The following MMD2 variants were observed in gnomAD, a reference collection of about 807,000 sequenced individuals.
The protein encoded by MMD2 is monocyte to macrophage differentiation associated 2, also known as monocyte to macrophage differentiation factor 2.
Under a neutral mutation model 33.5 loss-of-function variants are expected in MMD2, and 30 were observed. The ratio of observed to expected loss-of-function variants is 0.90; its 90% CI spans 0.67 to 1.22. The LOEUF (loss-of-function observed/expected upper bound fraction) is 1.22. Among genes scored for constraint, MMD2 ranks in the 50% most tolerant of loss-of-function variants. The probability of loss-of-function intolerance (pLI) is 0.00; values close to 1 mark genes in which losing one functional copy is unlikely to be tolerated. For synonymous variants in MMD2, 129 were observed against 123.0 expected (o/e 1.05, Z -0.32); for missense variants, 364 against 325.4 (o/e 1.12, Z -0.91).
At chr7:4,938,131 C>T (rs1227071886) in intron 1 of MMD2, among the ~76,000 whole-genome samples, 1 of 151,024 alleles carries the variant, frequency 6.6e-6, no homozygotes, top group African/African-American at 2.4e-5. Context: ...CTGCCTCAGC[C>T]TCCCCCATAG....
the MMD2 span, among the ~76,000 whole-genome samples, chr7:4,898,945 G>A: frequency 1.3e-5 from 2 of 151,786 alleles, no homozygotes; most frequent in African/African-American, 4.8e-5. Flanking sequence ...AAGGAAGCAA[G>A]CAAGCAAGCA....
At chr7:4,927,733 A>G (rs1241522358) in intron 1 of MMD2, among the ~76,000 whole-genome samples, 1 of 151,996 alleles carries the variant, frequency 6.6e-6, no homozygotes, top group Non-Finnish European at 1.5e-5. Context: ...AACAAAACAA[A>G]CAAAACAAAA....
intron 1 of MMD2, among the ~76,000 whole-genome samples, chr7:4,945,553 G>C (rs112573033): frequency 0.038 from 5,680 of 150,794 alleles, 379 homozygotes; most frequent in African/African-American, 0.13. Flanking sequence ...GGCATGAGCC[G>C]CCTCACCCAG....
In MMD2 at chr7:4,943,311, T is replaced by C. The variant is rs185405474; in HGVS notation, c.47+15660A>G. Reference sequence around the variant, plus strand: ...GGCATGAGCCACCGCGCCTGGCCTTTTTTCTGTATTTTTAGTAAACACGGG... The same window carrying C: ...GGCATGAGCCACCGCGCCTGGCCTTCTTTCTGTATTTTTAGTAAACACGGG... On this transcript the variant is annotated intron_variant, in intron 1 of 6. Transcript: ENST00000401401. Among the ~76,000 whole-genome samples, 16 of 152,032 alleles carry C rather than the reference T, an allele frequency of 1.1e-4. 1 individual carries two copies. The East Asian group carries it at 2.7e-3, about 26-fold the overall frequency.
chr7:4,926,275 A>G (rs926195031), intron 1 of MMD2, among the ~76,000 whole-genome samples: 5 of 151,224 alleles, frequency 3.3e-5, no homozygotes, highest in Admixed American at 3.3e-4. Context: ...ATTTTTTTGT[A>G]TTTTTTATAG....
chr7:4,915,913 G>C, intron 4 of MMD2, 92 bp downstream of exon 4: 8 of 1,333,442 alleles, frequency 6.0e-6, no homozygotes, highest in Non-Finnish European at 8.5e-6. Flanking sequence ...TTTGTGCCAA[G>C]TCAACACATT....
chr7:4,943,454 T>C (rs977873105), intron 1 of MMD2, among the ~76,000 whole-genome samples: 1 of 152,100 alleles, frequency 6.6e-6, no homozygotes, highest in African/African-American at 2.4e-5. Context: ...GTCCTGCCCT[T>C]TTCAACTCAC....
At chr7:4,932,155 G>T (rs931599354) in intron 1 of MMD2, among the ~76,000 whole-genome samples, 1 of 152,128 alleles carries the variant, frequency 6.6e-6, no homozygotes, top group African/African-American at 2.4e-5. Context: ...GCGACCTGGG[G>T]CGGGCAGTTA....
At chr7:4,893,816 A>G in the MMD2 span, among the ~76,000 whole-genome samples, 1 of 152,152 alleles carries the variant, frequency 6.6e-6, no homozygotes, top group Non-Finnish European at 1.5e-5. Flanking sequence ...ACGTCTTGAC[A>G]TTGCCGTGGC....
chr7:4,893,874 A>G, the MMD2 span, among the ~76,000 whole-genome samples: 1 of 152,104 alleles, frequency 6.6e-6, no homozygotes, highest in African/African-American at 2.4e-5. Flanking sequence ...TAGCATGCTA[A>G]TGTATTATAA....
intron 1 of MMD2, among the ~76,000 whole-genome samples, chr7:4,937,998 C>CTTTTTTTTTTTTTT (rs1785791916): frequency 1.6e-5 from 1 of 62,730 alleles, no homozygotes. Context: ...TTTTTTCTTT[C>CTTTTTTTTTTTTTT]TTTCTTTTTT....
intron 1 of MMD2, among the ~76,000 whole-genome samples, chr7:4,952,231 G>T (rs1418920794): frequency 2.0e-5 from 3 of 152,232 alleles, no homozygotes; most frequent in African/African-American, 7.2e-5. Flanking sequence ...AAGGACATGT[G>T]GGGCCATCCC....
At chr7:4,950,025 T>C (rs1291488797) in intron 1 of MMD2, among the ~76,000 whole-genome samples, 3 of 152,098 alleles carry the variant, frequency 2.0e-5, no homozygotes, top group African/African-American at 7.2e-5. Flanking sequence ...AAATGTACTA[T>C]CCTAACCATT....
chr7:4,912,455 A>G (rs35890283), intron 4 of MMD2, among the ~76,000 whole-genome samples: 1 of 151,248 alleles, frequency 6.6e-6, no homozygotes, highest in South Asian at 2.1e-4. Flanking sequence ...CCAGCTACTC[A>G]GGAGGCTGAG....
intron 2 of MMD2, among the ~76,000 whole-genome samples, chr7:4,920,625 CTTTTT>C (rs1176849554): frequency 6.8e-6 from 1 of 146,966 alleles, no homozygotes; most frequent in Non-Finnish European, 1.5e-5. Flanking sequence ...CTTTCCTTTC[CTTTTT>C]TTCTTTTCTT....
chr7:4,940,291 C>CCT lies in MMD2; in HGVS notation c.48-14761_48-14760dup, dbSNP rs1562491384. On this transcript the variant is annotated intron_variant, in intron 1 of 6. Coordinates refer to ENST00000401401, the MANE Select transcript of MMD2 (RefSeq NM_198403.4). The surrounding 1 kb of genome is among the most constrained non-coding windows in gnomAD (Gnocchi z 5.0). ...CAGAGCTCAGCTTCTGCAATTCCTC[C>CCT]CTCTCTCTCTCTGGCCTGACCCAGC... Among the ~76,000 whole-genome samples the CCT allele has an allele frequency of 1.3e-5, 2 of 151,930 alleles. No homozygotes were observed. Among genetic ancestry groups the CCT allele is most frequent in the Non-Finnish European group, 2.9e-5 (2 of 67,960 alleles).
chr7:4,909,473 A>G, intron 6 of MMD2, among the ~76,000 whole-genome samples: 1 of 151,454 alleles, frequency 6.6e-6, no homozygotes, highest in Admixed American at 6.6e-5. Flanking sequence ...ACAGAGTTTC[A>G]CTGTTGTAGC....
rs1166021174 is a variant in MMD2 at position 4,928,314 on chromosome 7, A to G, written c.48-2782T>C. On this transcript the variant is annotated intron_variant, in intron 1 of 6. Coordinates refer to ENST00000401401, the MANE Select transcript of MMD2 (RefSeq NM_198403.4). Reference sequence around the variant, plus strand: ...TGGGCACTTTCTGTATGCTGGCGTCATATCAGGAGTGCATGGAGCATTTAT... The same window carrying G: ...TGGGCACTTTCTGTATGCTGGCGTCGTATCAGGAGTGCATGGAGCATTTAT... Among the ~76,000 whole-genome samples the G allele has an allele frequency of 2.6e-5, 4 of 152,178 alleles. No homozygotes were observed. In the South Asian group the frequency reaches 8.3e-4, roughly 32 times the overall value.
chr7:4,909,790 G>C (rs1784958635), intron 6 of MMD2, 91 bp downstream of exon 6: 1 of 1,522,098 alleles, frequency 6.6e-7, no homozygotes, highest in Non-Finnish European at 8.9e-7. Flanking sequence ...TGCCAAAGGA[G>C]AGGGTTTGTG....
Sources: allele counts gnomAD v4.1 joint callset (sites outside exome capture counted in the v4.1 genomes callset), GRCh38; gene constraint gnomAD v4.1.1; non-coding constraint Gnocchi (gnomAD v3.1); transcripts MANE v1.5; gene names NCBI Gene and HGNC (gene_info 2026-07-23, HGNC 2026-07-21).